Variants in DLG2 observed in about 807,000 individuals in gnomAD.
DLG2 encodes the protein disks large homolog 2.
DLG2 carries 45 observed loss-of-function variants against 132.5 expected under a neutral mutation model. The observed-to-expected ratio is 0.34, with a 90% CI of 0.27 to 0.44. The LOEUF is 0.44. DLG2 is among the 20% of genes least tolerant of loss of function. DLG2 has a pLI of 1.00. For synonymous variants in DLG2, 424 were observed against 419.6 expected, an observed-to-expected ratio of 1.01 and a Z score of -0.13; for missense variants, 1,045 against 1,196.9, an observed-to-expected ratio of 0.87 and a Z score of 1.87.
At position 84,158,947 on chromosome 11, in the gene DLG2, C is replaced by T. The variant is rs140510393; in HGVS notation, c.624+4514G>A. ...ACGTTAACTCATGTATTCATCACAA[C>T]GGCCTTATGGGGTAATTATAAACAG... On this transcript the variant is annotated intron_variant, in intron 9 of 27. Transcript: ENST00000376104. Among the ~76,000 whole-genome samples the T allele has an allele frequency of 3.7e-4, 57 of 152,284 alleles. No homozygotes were observed. In the East Asian group the frequency reaches 6.8e-3, roughly 18 times the overall value.
rs2093398434 is a variant in DLG2, at chr11:83,752,988, AG to A, written c.1825+33701del. Among the ~76,000 whole-genome samples, 7 of 152,350 alleles carry A rather than the reference AG, an allele frequency of 4.6e-5. No homozygotes were observed. The South Asian group carries it at 1.4e-3, about 32-fold the overall frequency. ...GTTGCTGAAAGTTTAAGGTAAGAGG[AG>A]AAATAAAAAGTAGTCCTTGAGGGGA... On this transcript the variant is annotated intron_variant, in intron 18 of 27. Transcript: ENST00000376104.
intron 16 of DLG2, among the ~76,000 whole-genome samples, chr11:83,862,192 T>A (rs552737045): frequency 6.6e-6 from 1 of 152,276 alleles, no homozygotes; most frequent in East Asian, 1.9e-4. Context: ...GAAATGTAAG[T>A]GTCTACCAAC....
intron 6 of DLG2, among the ~76,000 whole-genome samples, chr11:84,627,137 C>T (rs2099624236): frequency 6.6e-6 from 1 of 152,058 alleles, no homozygotes; most frequent in Non-Finnish European, 1.5e-5. Flanking sequence ...TCCTAAAGTG[C>T]TGGGATTACA....
At chr11:84,088,810 C>T (rs2097038691) in intron 10 of DLG2, among the ~76,000 whole-genome samples, 1 of 152,132 alleles carries the variant, frequency 6.6e-6, no homozygotes, top group South Asian at 2.1e-4. Flanking sequence ...TTGCATCATA[C>T]ATCTTTCTAA....
intron 14 of DLG2, among the ~76,000 whole-genome samples, chr11:83,952,544 A>T (rs984140481): frequency 2.0e-5 from 3 of 152,216 alleles, no homozygotes; most frequent in African/African-American, 7.2e-5. Flanking sequence ...CAATAAGAAA[A>T]TCCTAAAAAT....
At chr11:85,390,815 T>G (rs970916193) in intron 3 of DLG2, among the ~76,000 whole-genome samples, 1 of 151,958 alleles carries the variant, frequency 6.6e-6, no homozygotes, top group African/African-American at 2.4e-5. Context: ...GTTCATAGCA[T>G]TAAATGCCTA....
At chr11:85,071,811 A>G (rs2065902635) in intron 6 of DLG2, among the ~76,000 whole-genome samples, 1 of 151,870 alleles carries the variant, frequency 6.6e-6, no homozygotes. Flanking sequence ...CCAAGCCTTG[A>G]AGCCAAAGAG....
chr11:85,383,960 G>A (rs1025297980), intron 3 of DLG2, among the ~76,000 whole-genome samples: 22 of 152,030 alleles, frequency 1.4e-4, no homozygotes, highest in African/African-American at 2.4e-5. Context: ...ATACCTACTC[G>A]TCAATGTTTG....
intron 9 of DLG2, among the ~76,000 whole-genome samples, chr11:84,140,804 G>A (rs2094810459): frequency 6.6e-6 from 1 of 152,108 alleles, no homozygotes; most frequent in South Asian, 2.1e-4. Context: ...GTGGGCTTAA[G>A]TCTTGAAGGC....
At chr11:84,945,869 A>C (rs1215387119) in intron 6 of DLG2, among the ~76,000 whole-genome samples, 1 of 152,036 alleles carries the variant, frequency 6.6e-6, no homozygotes, top group Admixed American at 6.6e-5. Flanking sequence ...GAACCTGAAG[A>C]AGCCACTTGG....
At chr11:85,067,484 T>C (rs1257737363) in intron 6 of DLG2, among the ~76,000 whole-genome samples, 2 of 151,954 alleles carry the variant, frequency 1.3e-5, no homozygotes, top group Non-Finnish European at 2.9e-5. Flanking sequence ...GGGTATTTAG[T>C]GCTATAAATT....
intron 15 of DLG2, among the ~76,000 whole-genome samples, chr11:83,907,770 C>T (rs1489234738): frequency 6.6e-6 from 1 of 152,092 alleles, no homozygotes; most frequent in Non-Finnish European, 1.5e-5. Flanking sequence ...TATAAGCAAG[C>T]CTGAGTTCCT....
chr11:84,362,227 C>T (rs1385783609), intron 7 of DLG2, among the ~76,000 whole-genome samples: 1 of 151,794 alleles, frequency 6.6e-6, no homozygotes, highest in East Asian at 1.9e-4. Context: ...TTTCTCACGC[C>T]CAGTTCAGTA....
intron 9 of DLG2, among the ~76,000 whole-genome samples, chr11:84,116,789 T>C (rs1469619184): frequency 6.6e-6 from 1 of 152,130 alleles, no homozygotes; most frequent in Non-Finnish European, 1.5e-5. Flanking sequence ...AAAATGACAT[T>C]AAATGTCAGT....
chr11:84,890,022 G>T (rs2089073145), intron 6 of DLG2, among the ~76,000 whole-genome samples: 2 of 152,168 alleles, frequency 1.3e-5, no homozygotes, highest in Admixed American at 1.3e-4. Context: ...TATGATAGTA[G>T]AATGAATAAA....
chr11:83,825,709 C>T (rs548167065), intron 17 of DLG2, among the ~76,000 whole-genome samples: 52 of 152,236 alleles, frequency 3.4e-4, no homozygotes, highest in African/African-American at 1.2e-3. Context: ...TCCGTCCCCA[C>T]TCAGTGATAT....
intron 3 of DLG2, among the ~76,000 whole-genome samples, chr11:85,469,950 G>A (rs1247144303): frequency 6.6e-6 from 1 of 151,964 alleles, no homozygotes; most frequent in African/African-American, 2.4e-5. Context: ...ATTTCACTCA[G>A]AGTAAAATCC....
At chr11:84,600,358 T>A (rs575175681) in intron 6 of DLG2, among the ~76,000 whole-genome samples, 2 of 151,986 alleles carry the variant, frequency 1.3e-5, no homozygotes, top group South Asian at 2.1e-4. Flanking sequence ...ATGAAGAAAA[T>A]AAATTTCAAC....
intron 10 of DLG2, among the ~76,000 whole-genome samples, chr11:84,070,106 C>A (rs79630496): frequency 6.6e-6 from 1 of 152,198 alleles, no homozygotes; most frequent in South Asian, 2.1e-4. Flanking sequence ...CATTTCATTT[C>A]CCCTCTAAAT....
Sources: allele counts gnomAD v4.1 joint callset (sites outside exome capture counted in the v4.1 genomes callset), GRCh38; gene constraint gnomAD v4.1.1; transcripts MANE v1.5; gene names NCBI Gene and HGNC (gene_info 2026-07-23, HGNC 2026-07-21).